Variants in SLC39A11 observed in about 807,000 individuals in gnomAD.
SLC39A11 encodes the protein solute carrier family 39 member 11.
SLC39A11 carries 33 observed loss-of-function variants against 36.1 expected under a neutral mutation model. That is an observed-to-expected ratio of 0.91 (90% CI 0.69 to 1.22). SLC39A11 has a LOEUF of 1.22. Among genes scored for constraint, SLC39A11 ranks in the 50% most tolerant of loss-of-function variants. The pLI is 0.00. For synonymous variants in SLC39A11, 166 were observed against 170.3 expected, an observed-to-expected ratio of 0.97 and a Z score of 0.20; for missense variants, 432 against 430.3, an observed-to-expected ratio of 1.00 and a Z score of -0.03.
At chr17:72,997,714 C>T (rs747346212) in intron 4 of SLC39A11, among the ~76,000 whole-genome samples, 1 of 152,218 alleles carries the variant, frequency 6.6e-6, no homozygotes, top group Non-Finnish European at 1.5e-5. Context: ...CTCACTCTGT[C>T]CTGCGCAGAA....
intron 7 of SLC39A11, among the ~76,000 whole-genome samples, chr17:72,690,210 A>T (rs1275098188): frequency 6.6e-6 from 1 of 152,224 alleles, no homozygotes; most frequent in Non-Finnish European, 1.5e-5. Flanking sequence ...CCACAGCAGG[A>T]CTTCCTGAAA....
chr17:72,936,562 T>C (rs952714384), intron 5 of SLC39A11, among the ~76,000 whole-genome samples: 2 of 152,050 alleles, frequency 1.3e-5, no homozygotes, highest in African/African-American at 4.8e-5. Context: ...ATGACCTCTC[T>C]CTGGGCAGGC....
At position 73,046,968 on chromosome 17, in the gene SLC39A11, C is replaced by T. The variant is rs143276607; in HGVS notation, c.148-15254G>A. On this transcript the variant is annotated intron_variant, in intron 3 of 9. Coordinates refer to ENST00000255559, the MANE Select transcript of SLC39A11 (RefSeq NM_139177.4). ...AAAGACAAAAACAAAAAATAAAAAA[C>T]GAAAGGTAATGTAGCCTAGTAGAAA... Among the ~76,000 whole-genome samples, 451 of 151,796 alleles carry T rather than the reference C, an allele frequency of 3.0e-3. 3 individuals carry two copies. The highest frequency in any genetic ancestry group is 0.01 in the African/African-American group (424 of 41,420).
At chr17:72,970,567 C>CA (rs11412988) in intron 4 of SLC39A11, among the ~76,000 whole-genome samples, 8,800 of 152,014 alleles carry the variant, frequency 0.058, 272 homozygotes, top group African/African-American at 0.077. Context: ...GCTACACACA[C>CA]AAAAAAAACC....
chr17:72,736,819 CCAGT>C (rs1271365286), intron 6 of SLC39A11, 100 bp from the exon 7 acceptor site: 45 of 980,896 alleles, frequency 4.6e-5, no homozygotes, highest in Non-Finnish European at 6.5e-5. Context: ...CATGAGGCTG[CCAGT>C]CAAAGAAAAT....
rs569699700 is a variant in SLC39A11, at chr17:73,031,695, T to C, written c.167A>G (p.Tyr56Cys). Residue 56 changes from tyrosine to cysteine, a missense_variant, in exon 4 of 10, where the codon TAT becomes TGT. By Grantham distance (194) the Tyr-to-Cys change is radical. Transcript: ENST00000255559. ...FAAGVMLAASYWSLLAPAVEM... is the reference protein window; with the variant it reads ...FAAGVMLAASCWSLLAPAVEM... ...AACTGCTGGGGCCAGAAGAGACCAATAGGAAGCTGCCAACATGACCTACAA... is the reference window on the plus strand; with the variant it reads ...AACTGCTGGGGCCAGAAGAGACCAACAGGAAGCTGCCAACATGACCTACAA... The C allele has an allele frequency of 1.2e-5, 19 of 1,613,660 alleles. 1 individual carries two copies. The South Asian group carries it at 2.0e-4, about 17-fold the overall frequency.
chr17:73,074,533 G>A (rs182079699), intron 3 of SLC39A11, among the ~76,000 whole-genome samples: 62 of 152,108 alleles, frequency 4.1e-4, no homozygotes, highest in Admixed American at 3.5e-3. Flanking sequence ...TCCTGGCCTC[G>A]TGATCCACCC....
intron 3 of SLC39A11, among the ~76,000 whole-genome samples, chr17:73,057,340 C>A (rs2059701069): frequency 6.6e-6 from 1 of 152,100 alleles, no homozygotes; most frequent in African/African-American, 2.4e-5. Context: ...TTAATAGATT[C>A]TTTATAAAAG....
At chr17:73,072,018 T>C (rs148406569) in intron 3 of SLC39A11, among the ~76,000 whole-genome samples, 49 of 152,256 alleles carry the variant, frequency 3.2e-4, no homozygotes, top group African/African-American at 5.1e-4. Context: ...TAAAGGAATA[T>C]CTATTAAACA....
intron 6 of SLC39A11, among the ~76,000 whole-genome samples, chr17:72,812,164 A>G (rs1329069641): frequency 1.3e-5 from 2 of 152,170 alleles, no homozygotes; most frequent in Non-Finnish European, 2.9e-5. Flanking sequence ...ATAAGATACT[A>G]TTATGCTTGG....
At chr17:72,959,323 G>A (rs373085769) in intron 4 of SLC39A11, among the ~76,000 whole-genome samples, 9 of 81,452 alleles carry the variant, frequency 1.1e-4, no homozygotes, top group Non-Finnish European at 1.5e-4. Flanking sequence ...GTGTGTGTGT[G>A]TGTATATATA....
chr17:72,894,777 T>A (rs2081948845), intron 5 of SLC39A11, among the ~76,000 whole-genome samples: 1 of 151,848 alleles, frequency 6.6e-6, no homozygotes, highest in Non-Finnish European at 1.5e-5. Context: ...AAGTATTGAA[T>A]AAGACCTGGG....
chr17:72,999,754 T>G (rs537360422), intron 4 of SLC39A11, among the ~76,000 whole-genome samples: 15 of 152,314 alleles, frequency 9.8e-5, no homozygotes, highest in South Asian at 6.2e-4. Flanking sequence ...TTGTTTGTTT[T>G]TTTGAGATGA....
At chr17:72,931,458 G>A (rs1402141695) in intron 5 of SLC39A11, among the ~76,000 whole-genome samples, 1 of 152,182 alleles carries the variant, frequency 6.6e-6, no homozygotes, top group African/African-American at 2.4e-5. Flanking sequence ...CGAAGGCTAT[G>A]CCCAAGCTCC....
At chr17:72,860,011 A>AGAGGGGAGGGGAGGG (rs79153544) in intron 5 of SLC39A11, among the ~76,000 whole-genome samples, 1 of 85,330 alleles carries the variant, frequency 1.2e-5, no homozygotes, top group African/African-American at 4.8e-5. Context: ...CTAGACGAGG[A>AGAGGGGAGGGGAGGG]GAGGGGAGGG....
At chr17:73,091,898 T>G (rs555171908) in intron 1 of SLC39A11, 1 of 152,430 alleles carries the variant, frequency 6.6e-6, no homozygotes, top group African/African-American at 2.4e-5. Flanking sequence ...CTCCCCCTTT[T>G]AAACCTGTTG....
At chr17:72,784,032 G>A (rs1181554843) in intron 6 of SLC39A11, among the ~76,000 whole-genome samples, 1 of 152,122 alleles carries the variant, frequency 6.6e-6, no homozygotes, top group Non-Finnish European at 1.5e-5. Flanking sequence ...AGCAAAGAAA[G>A]TATGAATGAA....
At chr17:72,946,677 G>C (rs906464953) in intron 5 of SLC39A11, among the ~76,000 whole-genome samples, 1 of 152,096 alleles carries the variant, frequency 6.6e-6, no homozygotes, top group Admixed American at 6.6e-5. Context: ...TTTCGTCCCC[G>C]GGGTCTTGCA....
chr17:72,843,997 T>C (rs1421188268), intron 6 of SLC39A11, among the ~76,000 whole-genome samples: 2 of 151,966 alleles, frequency 1.3e-5, no homozygotes, highest in South Asian at 2.1e-4. Flanking sequence ...CCTCAGGACA[T>C]ACTAAACTGA....
Sources: allele counts gnomAD v4.1 joint callset (sites outside exome capture counted in the v4.1 genomes callset), GRCh38; gene constraint gnomAD v4.1.1; transcripts MANE v1.5; gene names NCBI Gene and HGNC (gene_info 2026-07-23, HGNC 2026-07-21).